The following C19orf81 variants were observed in gnomAD, a reference collection of about 807,000 sequenced individuals.
C19orf81 encodes putative uncharacterized protein C19orf81.
A neutral mutation model predicts 22.1 loss-of-function variants in C19orf81; 19 were observed. The observed-to-expected ratio is 0.86, with a 90% confidence interval of 0.60 to 1.26. The LOEUF is 1.26. C19orf81 is among the 50% of genes most tolerant of loss of function. The pLI is 0.00. For synonymous variants in C19orf81, 108 were observed against 113.1 expected, an observed-to-expected ratio of 0.95 and a Z score of 0.29; for missense variants, 287 against 280.7, an observed-to-expected ratio of 1.02 and a Z score of -0.16.
chr19:50,652,670 G>C (rs1236808547), intron 1 of C19orf81, among the ~76,000 whole-genome samples: 1 of 152,170 alleles, frequency 6.6e-6, no homozygotes, highest in East Asian at 1.9e-4. Flanking sequence ...ATCACGTGTG[G>C]TCTTATGGTC....
chr19:50,658,982 CGCGCTT>C lies in C19orf81; in HGVS notation c.440_445del (p.Arg147_Leu148del), dbSNP rs1985072373. 7 of 1,515,918 alleles carry C rather than the reference CGCGCTT, an allele frequency of 4.6e-6. No homozygotes were observed. Among genetic ancestry groups the C allele is most frequent in the South Asian group, 3.7e-5 (3 of 81,954 alleles). 93.9% of individuals were successfully genotyped at this position (1,515,918 alleles called of 1,614,324 possible). ...GCGGTCACGGACTTCCAGACGCGCT[CGCGCTT>C]GCTGCGCTCCGGGCTCAGTCCCCGC... On this transcript the variant is annotated inframe_deletion, in exon 5 of 5. Transcript: ENST00000425202.
intron 3 of C19orf81, 112 bp downstream of exon 3, chr19:50,656,458 C>A: frequency 7.3e-7 from 1 of 1,378,362 alleles, no homozygotes; most frequent in Non-Finnish European, 9.6e-7. Flanking sequence ...GGCTTATAAG[C>A]TGTGGGCTTG....
In C19orf81 at chr19:50,656,210, T is replaced by C; in HGVS notation, c.141-16T>C. The stretch of plus-strand genomic sequence containing the variant: ...CCCTGACCTCAGAGGTCCCTGCCTG[T>C]TCGCTCTCTCCCTAGAAAGCAGTAC... On this transcript the variant is annotated splice_polypyrimidine_tract_variant and intron_variant, in intron 2 of 4. Coordinates refer to ENST00000425202, the MANE Select transcript of C19orf81 (RefSeq NM_001195076.2). 1.3e-6 allele frequency: 2 copies of C among 1,536,104 alleles called. No individual in the cohort carries two copies. The highest frequency in any genetic ancestry group is 8.7e-7 in the Non-Finnish European group (1 of 1,146,842).
intron 1 of C19orf81, among the ~76,000 whole-genome samples, chr19:50,650,541 G>C (rs1213740346): frequency 6.6e-6 from 1 of 152,088 alleles, no homozygotes; most frequent in Non-Finnish European, 1.5e-5. Context: ...TGTGGTGCCG[G>C]GTGCCTGTAA....
chr19:50,658,536 C>T, intron 4 of C19orf81: 1 of 261,112 alleles, frequency 3.8e-6, no homozygotes, highest in Non-Finnish European at 7.3e-6. Context: ...GTTTGAGTGA[C>T]CCAGTAGTGA....
At chr19:50,657,520 A>T (rs1177498646) in intron 3 of C19orf81, among the ~76,000 whole-genome samples, 1 of 152,218 alleles carries the variant, frequency 6.6e-6, no homozygotes, top group Non-Finnish European at 1.5e-5. Context: ...GATTGACAAG[A>T]CATCAAAACC....
In C19orf81 at chr19:50,657,997, G is replaced by A. The variant is rs1297489841; in HGVS notation, c.270G>A (p.Glu90=). The A allele has an allele frequency of 6.5e-7, 1 of 1,530,432 alleles. No homozygotes were observed. The highest frequency in any genetic ancestry group is 2.0e-5 in the Admixed American group (1 of 49,392). 94.8% of individuals were successfully genotyped at this position (1,530,432 alleles called of 1,614,324 possible). The change falls in exon 4 of 5, where the codon GAG becomes GAA. Residue 90 remains glutamate, a synonymous_variant. Coordinates refer to ENST00000425202, the MANE Select transcript of C19orf81 (RefSeq NM_001195076.2). The stretch of plus-strand genomic sequence containing the variant: ...CTCTCCGACACCCGCAGCCCGAGGA[G>A]GATTTTACCCACCTGGAGGTGCTGC... ...LCLCMETLPE[E]DFTHLEVLQA...
At chr19:50,655,875 G>A (rs1263122134) in intron 1 of C19orf81, among the ~76,000 whole-genome samples, 175 bp from the exon 2 acceptor site, 1 of 152,216 alleles carries the variant, frequency 6.6e-6, no homozygotes, top group Non-Finnish European at 1.5e-5. Context: ...TCTCAACCCA[G>A]GCATCACAGA....
chr19:50,655,277 G>C (rs990526251), intron 1 of C19orf81, among the ~76,000 whole-genome samples: 2 of 152,012 alleles, frequency 1.3e-5, no homozygotes, highest in Non-Finnish European at 2.9e-5. Flanking sequence ...CTGATGGTGG[G>C]GTGGTCAAAA....
intron 4 of C19orf81, chr19:50,658,642 C>T: frequency 3.0e-6 from 1 of 330,224 alleles, no homozygotes; most frequent in Admixed American, 4.6e-5. Context: ...AGGGTGGGGA[C>T]AGGCCTGGAG....
chr19:50,653,682 GCACACACA>G (rs57915687), intron 1 of C19orf81, among the ~76,000 whole-genome samples: 32,120 of 121,646 alleles, frequency 0.26, 4,623 homozygotes, highest in Admixed American at 0.31. Flanking sequence ...ATGAGAGACA[GCACACACA>G]CACACACACA....
chr19:50,653,076 C>T (rs543667735), intron 1 of C19orf81, among the ~76,000 whole-genome samples: 60 of 152,242 alleles, frequency 3.9e-4, no homozygotes, highest in African/African-American at 1.4e-3. Context: ...CTTGCTTTGT[C>T]GCCCAGGATG....
At chr19:50,649,633 A>G in intron 1 of C19orf81, 122 bp downstream of exon 1, 1 of 1,101,180 alleles carries the variant, frequency 9.1e-7, no homozygotes, top group South Asian at 1.3e-5. Flanking sequence ...AGCCATCCCT[A>G]GCATTCCTGG....
intron 1 of C19orf81, among the ~76,000 whole-genome samples, chr19:50,650,619 C>T (rs950681260): frequency 7.9e-5 from 12 of 152,046 alleles, no homozygotes; most frequent in Non-Finnish European, 1.5e-4. Context: ...TGCAGCGAGC[C>T]AAGATTGTGC....
intron 3 of C19orf81, among the ~76,000 whole-genome samples, chr19:50,657,135 G>A (rs1316570377): frequency 6.6e-6 from 1 of 152,028 alleles, no homozygotes; most frequent in African/African-American, 2.4e-5. Context: ...CTCAACAATT[G>A]ACTGAGAAGA....
At chr19:50,657,021 A>C (rs1278705217) in intron 3 of C19orf81, among the ~76,000 whole-genome samples, 1 of 149,540 alleles carries the variant, frequency 6.7e-6, no homozygotes, top group Non-Finnish European at 1.5e-5. Flanking sequence ...AAAGGAAAGG[A>C]AGGAAGGGAG....
chr19:50,652,368 G>A (rs1024341066), intron 1 of C19orf81, among the ~76,000 whole-genome samples: 2 of 152,148 alleles, frequency 1.3e-5, no homozygotes, highest in African/African-American at 2.4e-5. Context: ...ACGTTGCTCA[G>A]AAGACGTAGG....
chr19:50,653,764 A>G (rs1273774013), intron 1 of C19orf81, among the ~76,000 whole-genome samples: 2 of 149,758 alleles, frequency 1.3e-5, no homozygotes, highest in Non-Finnish European at 3.0e-5. Flanking sequence ...GAAGGGTGTT[A>G]GCAAGGACTT....
At chr19:50,654,930 A>G (rs1453676861) in intron 1 of C19orf81, among the ~76,000 whole-genome samples, 1 of 152,226 alleles carries the variant, frequency 6.6e-6, no homozygotes, top group East Asian at 1.9e-4. Context: ...GAGAAGATTT[A>G]GAGATAAGAG....
Sources: gnomAD v4.1 joint callset for allele counts (sites outside exome capture counted in the v4.1 genomes callset) on GRCh38, gnomAD v4.1.1 for gene constraint, MANE v1.5 for transcripts, NCBI Gene and HGNC (gene_info 2026-07-23, HGNC 2026-07-21) for gene names.